Variants in PACS2 observed in about 807,000 individuals in gnomAD.
PACS2 encodes the protein phosphofurin acidic cluster sorting protein 2.
In PACS2, 36 loss-of-function variants were observed where a neutral mutation model predicts 113.0. That is an observed-to-expected ratio of 0.32 (90% CI 0.24 to 0.42). The LOEUF (loss-of-function observed/expected upper bound fraction) is 0.42, where lower values mean the gene tolerates loss of function less well. Among genes scored for constraint, PACS2 ranks in the 10% least tolerant of loss-of-function variants. The probability of loss-of-function intolerance (pLI) is 1.00; values close to 1 mark genes in which losing one functional copy is unlikely to be tolerated. For synonymous variants in PACS2, 589 were observed against 536.1 expected, an observed-to-expected ratio of 1.10 and a Z score of -1.36; for missense variants, 1,015 against 1,239.5, an observed-to-expected ratio of 0.82 and a Z score of 2.72.
Position 105,324,327 on chromosome 14 carries a change from T to G in PACS2, c.119+9290T>G, listed in dbSNP as rs997488884. On this transcript the variant is annotated intron_variant, in intron 1 of 24. Transcript: ENST00000447393. This position sits in a 1 kb window ranked among gnomAD's most constrained non-coding sequence, Gnocchi z 4.7. ...CAGTGGCGTTGCCGAGACAGGGTGCTCAGGTGCAGGTGGGAAGGGGTGGCA... is the reference window on the plus strand; with the variant it reads ...CAGTGGCGTTGCCGAGACAGGGTGCGCAGGTGCAGGTGGGAAGGGGTGGCA... Among the ~76,000 whole-genome samples the G allele has an allele frequency of 6.6e-6, 1 of 151,978 alleles. No homozygotes were observed. Among genetic ancestry groups the G allele is most frequent in the African/African-American group, 2.4e-5 (1 of 41,378 alleles).
intron 1 of PACS2, among the ~76,000 whole-genome samples, chr14:105,325,471 C>A (rs2059069669): frequency 6.6e-6 from 1 of 152,174 alleles, no homozygotes. Flanking sequence ...GGTCAGCTCG[C>A]TCGGTGCAAT....
chr14:105,336,728 T>C (rs587661452), intron 1 of PACS2: 1 of 152,344 alleles, frequency 6.6e-6, no homozygotes, highest in East Asian at 1.9e-4. Flanking sequence ...AGGGCGTCCT[T>C]GTAGAAGTGT....
intron 9 of PACS2, among the ~76,000 whole-genome samples, chr14:105,377,671 A>C (rs1166649872): frequency 6.6e-6 from 1 of 152,218 alleles, no homozygotes; most frequent in African/African-American, 2.4e-5. Flanking sequence ...TTAGCCCTGC[A>C]GCCACGCAGC....
At chr14:105,363,101 T>A (rs1385470406) in intron 4 of PACS2, among the ~76,000 whole-genome samples, 3 of 152,212 alleles carry the variant, frequency 2.0e-5, no homozygotes, top group Non-Finnish European at 4.4e-5. Flanking sequence ...CATCCAGGCT[T>A]TGTTGTTCCA....
chr14:105,322,220 C>G (rs1489671910), intron 1 of PACS2, among the ~76,000 whole-genome samples: 1 of 149,366 alleles, frequency 6.7e-6, no homozygotes, highest in Non-Finnish European at 1.5e-5. Context: ...ACAGGCTGAG[C>G]CTCTGTGCCC....
At chr14:105,386,655 A>AC (rs1361504164) in intron 19 of PACS2, among the ~76,000 whole-genome samples, 1 of 147,616 alleles carries the variant, frequency 6.8e-6, no homozygotes, top group Non-Finnish European at 1.5e-5. Flanking sequence ...GTCCTAGGAA[A>AC]CCCCCCCAAC....
At chr14:105,311,952 C>G (rs2058361424), upstream of PACS2, among the ~76,000 whole-genome samples, 1 of 152,350 alleles carries the variant, frequency 6.6e-6, no homozygotes, top group South Asian at 2.1e-4. Flanking sequence ...GGGCAGGGAC[C>G]TGGCCACGTG....
intron 1 of PACS2, among the ~76,000 whole-genome samples, chr14:105,306,464 C>T (rs1260513181): frequency 1.3e-5 from 2 of 151,826 alleles, no homozygotes; most frequent in African/African-American, 4.8e-5. Flanking sequence ...CCACCATGCC[C>T]GGCTAATTTT....
At chr14:105,313,040 C>A (rs2058389373), upstream of PACS2, among the ~76,000 whole-genome samples, 1 of 152,170 alleles carries the variant, frequency 6.6e-6, no homozygotes, top group South Asian at 2.1e-4. Context: ...CGGTGCCTGG[C>A]ACAGAGGAGG....
intron 17 of PACS2, 27 bp from the exon 18 acceptor site, chr14:105,384,852 A>AC: frequency 6.9e-7 from 1 of 1,439,650 alleles, no homozygotes. Flanking sequence ...CACCAGCCTA[A>AC]CCCCCCACCG....
chr14:105,384,468 G>T lies in PACS2; in HGVS notation c.1891+5G>T. 6.3e-7 allele frequency: 1 copy of T among 1,593,106 alleles called. No homozygotes were observed. The stretch of plus-strand genomic sequence containing the variant: ...AGCTGGAGGCCCAGAGTGCGGGTGA[G>T]GCCCGGGCGCGTCCACAGCCCACGC... On this transcript the variant is annotated splice_donor_5th_base_variant and intron_variant, in intron 17 of 24. Transcript: ENST00000447393.
rs587722947 is a variant in PACS2 at position 105,354,654 on chromosome 14, G to T, written c.298-398G>T. 5.9e-5 allele frequency among the ~76,000 whole-genome samples: 9 copies of T among 152,346 alleles called. No individual in the cohort carries two copies. In the South Asian group the frequency reaches 1.9e-3, roughly 32 times the overall value. On this transcript the variant is annotated intron_variant, in intron 3 of 24. Coordinates refer to ENST00000447393, the MANE Select transcript of PACS2 (RefSeq NM_001100913.3). The surrounding 1 kb of genome is among the most constrained non-coding windows in gnomAD (Gnocchi z 4.2). ...AGGGAGAGCCCTCCCCGCCCTGTGT[G>T]CCCCTCGCGGAAAAGCGTCCTGGGT...
At chr14:105,364,485 TGGCGGCCCGGGTGCGCGGTGGGC>T (rs2060873711) in intron 4 of PACS2, among the ~76,000 whole-genome samples, 1 of 70,778 alleles carries the variant, frequency 1.4e-5, no homozygotes, top group Non-Finnish European at 2.9e-5. Flanking sequence ...GCGCGGTGGG[TGGCGGCCCGGGTGCGCGGTGGGC>T]GGTGGCCTGG....
intron 1 of PACS2, among the ~76,000 whole-genome samples, chr14:105,305,936 A>G (rs1174794952): frequency 6.6e-6 from 1 of 152,254 alleles, no homozygotes; most frequent in Non-Finnish European, 1.5e-5. Context: ...GGAAACGTGC[A>G]GTGATCTCCG....
chr14:105,307,649 T>C (rs587612248), intron 1 of PACS2, among the ~76,000 whole-genome samples: 1 of 152,352 alleles, frequency 6.6e-6, no homozygotes, highest in Non-Finnish European at 1.5e-5. Context: ...GAAAGCAAGC[T>C]TCTATGGCCT....
intron 1 of PACS2, among the ~76,000 whole-genome samples, chr14:105,335,787 G>A (rs2059493170): frequency 6.6e-6 from 1 of 152,232 alleles, no homozygotes; most frequent in Non-Finnish European, 1.5e-5. Flanking sequence ...CTGTACATCA[G>A]AGAAAGCTGA....
intron 15 of PACS2, 173 bp downstream of exon 15, chr14:105,383,086 C>A: frequency 1.6e-6 from 1 of 625,664 alleles, no homozygotes; most frequent in Non-Finnish European, 2.9e-6. Context: ...CAGTTGTGGG[C>A]GGGAGCAGCA....
intron 21 of PACS2, 92 bp downstream of exon 21, chr14:105,391,341 T>C: frequency 9.9e-7 from 1 of 1,007,562 alleles, no homozygotes; most frequent in South Asian, 1.3e-5. Flanking sequence ...GATCAACCTT[T>C]CAGGGCCTGA....
chr14:105,338,357 G>A (rs2059603290), intron 1 of PACS2, among the ~76,000 whole-genome samples: 1 of 152,204 alleles, frequency 6.6e-6, no homozygotes, highest in Non-Finnish European at 1.5e-5. Context: ...AAAAACTGGG[G>A]TGCTGGGATA....
Sources: allele counts gnomAD v4.1 joint callset (sites outside exome capture counted in the v4.1 genomes callset), GRCh38; gene constraint gnomAD v4.1.1; non-coding constraint Gnocchi (gnomAD v3.1); transcripts MANE v1.5; gene names NCBI Gene and HGNC (gene_info 2026-07-23, HGNC 2026-07-21).